The following NEMP2 variants were observed in gnomAD, a reference collection of about 807,000 sequenced individuals.
NEMP2 encodes the protein nuclear envelope integral membrane protein 2.
A neutral mutation model predicts 54.2 loss-of-function variants in NEMP2; 53 were observed. The observed-to-expected ratio is 0.98, with a 90% confidence interval of 0.78 to 1.23. The LOEUF (loss-of-function observed/expected upper bound fraction) is 1.23. NEMP2 is among the 50% of genes most tolerant of loss of function. NEMP2 has a pLI of 0.00. For missense variants in NEMP2, 455 were observed against 511.3 expected (o/e 0.89, Z 1.06); for synonymous variants, 197 against 190.3 (o/e 1.04, Z -0.29).
chr2:190,466,050 A>G, the NEMP2 span, among the ~76,000 whole-genome samples: 1 of 152,194 alleles, frequency 6.6e-6, no homozygotes, highest in Non-Finnish European at 1.5e-5. Context: ...GGTTACTTCC[A>G]AGGGCCTCTC....
the NEMP2 span, among the ~76,000 whole-genome samples, chr2:190,559,922 T>TA: frequency 6.6e-6 from 1 of 152,084 alleles, no homozygotes; most frequent in African/African-American, 2.4e-5. This position sits in a 1 kb window ranked among gnomAD's most constrained non-coding sequence, Gnocchi z 4.0. Context: ...AGATAGGCAG[T>TA]ATCTAAAAGG....
chr2:190,556,228 C>T, the NEMP2 span, among the ~76,000 whole-genome samples: 1 of 152,124 alleles, frequency 6.6e-6, no homozygotes, highest in Non-Finnish European at 1.5e-5. Flanking sequence ...TGCCAAAAAC[C>T]ACATGATTAT....
At chr2:190,647,585 C>G in the NEMP2 span, among the ~76,000 whole-genome samples, 5 of 152,036 alleles carry the variant, frequency 3.3e-5, no homozygotes, top group Non-Finnish European at 7.4e-5. Flanking sequence ...GCTCTCTAAT[C>G]TTCAAGAACA....
chr2:190,646,237 C>T, the NEMP2 span, among the ~76,000 whole-genome samples: 1 of 152,182 alleles, frequency 6.6e-6, no homozygotes, highest in Admixed American at 6.5e-5. Context: ...TGATCTCTTC[C>T]AGAGGGCCTT....
chr2:190,539,462 A>AT (rs916839942), upstream of NEMP2, among the ~76,000 whole-genome samples: 21 of 151,414 alleles, frequency 1.4e-4, no homozygotes, highest in South Asian at 4.2e-4. The surrounding 1 kb of genome is among the most constrained non-coding windows in gnomAD (Gnocchi z 4.1). Context: ...AAATTTTAGG[A>AT]TTTTTTTTTA....
the NEMP2 span, among the ~76,000 whole-genome samples, chr2:190,448,633 T>C: frequency 4.6e-5 from 7 of 152,242 alleles, no homozygotes; most frequent in African/African-American, 9.6e-5. Context: ...CATATTTTTA[T>C]GGATTTACAT....
chr2:190,536,171 A>G (rs780336141), upstream of NEMP2, among the ~76,000 whole-genome samples: 17 of 152,214 alleles, frequency 1.1e-4, no homozygotes, highest in Non-Finnish European at 2.2e-4. Context: ...TTTTCCGGAG[A>G]TAACAAGAAT....
chr2:190,449,758 G>A, the NEMP2 span, among the ~76,000 whole-genome samples: 3 of 151,780 alleles, frequency 2.0e-5, no homozygotes, highest in East Asian at 1.9e-4. Flanking sequence ...GTAAACTATC[G>A]CAAGAACAAA....
At chr2:190,647,704 CT>C in the NEMP2 span, among the ~76,000 whole-genome samples, 8 of 112,334 alleles carry the variant, frequency 7.1e-5, no homozygotes, top group Non-Finnish European at 1.4e-4. Flanking sequence ...CATTTTTCTT[CT>C]TCTTCTTTTT....
chr2:190,474,477 A>G, the NEMP2 span, among the ~76,000 whole-genome samples: 1 of 152,242 alleles, frequency 6.6e-6, no homozygotes, highest in African/African-American at 2.4e-5. Flanking sequence ...AGAAATGGAT[A>G]AATTCCTTGA....
the NEMP2 span, among the ~76,000 whole-genome samples, chr2:190,595,862 C>T: frequency 6.6e-5 from 10 of 152,092 alleles, no homozygotes; most frequent in African/African-American, 2.4e-4. This position sits in a 1 kb window ranked among gnomAD's most constrained non-coding sequence, Gnocchi z 4.0. Context: ...GGACCTATAA[C>T]CAGAAATATC....
the NEMP2 span, among the ~76,000 whole-genome samples, chr2:190,557,524 G>C: frequency 4.6e-5 from 7 of 152,250 alleles, 1 homozygote; most frequent in African/African-American, 1.7e-4. Flanking sequence ...ACTATCATCA[G>C]AGTGAACAGG....
At chr2:190,434,154 C>G in the NEMP2 span, among the ~76,000 whole-genome samples, 1 of 145,124 alleles carries the variant, frequency 6.9e-6, no homozygotes, top group Non-Finnish European at 1.5e-5. This position sits in a 1 kb window ranked among gnomAD's most constrained non-coding sequence, Gnocchi z 4.3. Flanking sequence ...GCACTCCAGC[C>G]TGGGTGACAG....
the NEMP2 span, among the ~76,000 whole-genome samples, chr2:190,445,798 A>G: frequency 3.7e-5 from 5 of 135,774 alleles, no homozygotes; most frequent in African/African-American, 1.1e-4. Context: ...AATCAGATTC[A>G]TAACGTGGTA....
the NEMP2 span, among the ~76,000 whole-genome samples, chr2:190,461,917 T>G: frequency 1.3e-5 from 2 of 152,190 alleles, no homozygotes; most frequent in Non-Finnish European, 2.9e-5. The surrounding 1 kb of genome is among the most constrained non-coding windows in gnomAD (Gnocchi z 5.5). Context: ...TCTTTTAATT[T>G]AAAAATTTAA....
At chr2:190,632,047 ACT>A in the NEMP2 span, among the ~76,000 whole-genome samples, 5 of 152,222 alleles carry the variant, frequency 3.3e-5, no homozygotes, top group South Asian at 6.2e-4. The surrounding 1 kb of genome is among the most constrained non-coding windows in gnomAD (Gnocchi z 4.8). Flanking sequence ...CTGGAGTAAG[ACT>A]CTGTCTCAAA....
chr2:190,471,781 C>A, the NEMP2 span, among the ~76,000 whole-genome samples: 1 of 152,216 alleles, frequency 6.6e-6, no homozygotes, highest in Non-Finnish European at 1.5e-5. This position sits in a 1 kb window ranked among gnomAD's most constrained non-coding sequence, Gnocchi z 4.7. Flanking sequence ...TGAGAACAGA[C>A]AGACTGCCTC....
chr2:190,498,216 C>T, the NEMP2 span, among the ~76,000 whole-genome samples: 1 of 152,080 alleles, frequency 6.6e-6, no homozygotes, highest in Non-Finnish European at 1.5e-5. This position sits in a 1 kb window ranked among gnomAD's most constrained non-coding sequence, Gnocchi z 5.9. Flanking sequence ...TTTCTTGTCC[C>T]CAGAGGAGTG....
upstream of NEMP2, chr2:190,534,915 C>T (rs1691318622): frequency 2.1e-5 from 7 of 333,274 alleles, no homozygotes; most frequent in East Asian, 2.7e-4. Context: ...CCGGCCTCGG[C>T]CTCGGCCTCG....
Sources: gnomAD v4.1 joint callset for allele counts (sites outside exome capture counted in the v4.1 genomes callset) on GRCh38, gnomAD v4.1.1 for gene constraint, Gnocchi (gnomAD v3.1) non-coding constraint, MANE v1.5 for transcripts, NCBI Gene and HGNC (gene_info 2026-07-23, HGNC 2026-07-21) for gene names.